The following CMYA5 variants were observed in gnomAD, a reference collection of about 807,000 sequenced individuals.
CMYA5 encodes cardiomyopathy associated 5, also known as cardiomyopathy-associated protein 5.
CMYA5 carries 246 observed loss-of-function variants against 318.9 expected under a neutral mutation model. That is an observed-to-expected ratio of 0.77 (90% CI 0.70 to 0.86). The LOEUF is 0.86. Ranked by LOEUF, CMYA5 falls within the 40% of genes least tolerant of loss-of-function variation. CMYA5 has a pLI of 0.00. For synonymous variants in CMYA5, 1,641 were observed against 1,729.5 expected (o/e 0.95, Z 1.27); for missense variants, 4,589 against 4,678.2 (o/e 0.98, Z 0.56).
At chr5:79,708,796 G>A (rs903235682) in intron 1 of CMYA5, among the ~76,000 whole-genome samples, 16 of 151,736 alleles carry the variant, frequency 1.1e-4, no homozygotes, top group African/African-American at 3.4e-4. Context: ...TTAGCCAGGC[G>A]TGGTGGCTCA....
chr5:79,761,710 C>A, intron 7 of CMYA5, 101 bp from the exon 8 acceptor site: 2 of 1,285,736 alleles, frequency 1.6e-6, no homozygotes, highest in Non-Finnish European at 2.1e-6. Context: ...TATCAGTTTG[C>A]ATTTTCCACT....
intron 12 of CMYA5, among the ~76,000 whole-genome samples, chr5:79,795,985 A>C (rs1488064594): frequency 1.3e-5 from 2 of 152,166 alleles, no homozygotes; most frequent in African/African-American, 4.8e-5. Context: ...AGGTTAGTGG[A>C]ATGTGTGCTC....
chr5:79,735,446 T>C lies in CMYA5; in HGVS notation c.6681T>C (p.Phe2227=). The change falls in exon 2 of 13, where the codon TTT becomes TTC. Residue 2227 remains phenylalanine, a synonymous_variant. Coordinates refer to ENST00000446378, the MANE Select transcript of CMYA5 (RefSeq NM_153610.5). ...CTGAAGGTACAATTCCCACCAATTT[T>C]AATGTAGCTGAGAAACCAGCTGATC... is the stretch of plus-strand genomic sequence containing the variant. The part of the protein sequence containing the change: ...IDPEGTIPTN[F]NVAEKPADHS... 1 of 1,613,888 alleles carries C rather than the reference T, an allele frequency of 6.2e-7. No individual in the cohort carries two copies. The highest frequency in any genetic ancestry group is 1.3e-5 in the African/African-American group (1 of 75,032).
chr5:79,742,123 T>C (rs1407265615), intron 2 of CMYA5, among the ~76,000 whole-genome samples: 60 of 143,216 alleles, frequency 4.2e-4, no homozygotes, highest in South Asian at 7.1e-4. Flanking sequence ...CTTCTTCTTC[T>C]TCCTCCTCCT....
Position 79,784,868 on chromosome 5 carries a change from C to T in CMYA5, c.11556-4103C>T, listed in dbSNP as rs531222996. On this transcript the variant is annotated intron_variant, in intron 9 of 12. Coordinates refer to ENST00000446378, the MANE Select transcript of CMYA5 (RefSeq NM_153610.5). ...GTACCTCAGATGGAAATGCAGAAAT[C>T]ACCCGTCTTCTGCGTCGCTCACGCT... is the stretch of plus-strand genomic sequence containing the variant. 7.2e-5 allele frequency among the ~76,000 whole-genome samples: 11 copies of T among 151,818 alleles called. No individual in the cohort carries two copies. In the South Asian group the frequency reaches 1.9e-3, roughly 26 times the overall value.
chr5:79,762,050 A>ATTGTGTGTTGAGTG, intron 8 of CMYA5, 93 bp downstream of exon 8: 1 of 1,380,902 alleles, frequency 7.2e-7, no homozygotes. Flanking sequence ...TTAAGCACCT[A>ATTGTGTGTTGAGTG]TTGTGTGTTG....
At chr5:79,793,735 G>T in intron 12 of CMYA5, 125 bp downstream of exon 12, 1 of 812,492 alleles carries the variant, frequency 1.2e-6, no homozygotes. Flanking sequence ...AACTAAGAAA[G>T]AAAACAAGAG....
At chr5:79,713,730 G>T (rs373768220) in intron 1 of CMYA5, among the ~76,000 whole-genome samples, 1 of 151,930 alleles carries the variant, frequency 6.6e-6, no homozygotes, top group African/African-American at 2.4e-5. Flanking sequence ...CAGAGTTCTC[G>T]ATGGGTCATG....
chr5:79,790,798 C>T (rs943988954), intron 10 of CMYA5, among the ~76,000 whole-genome samples, 172 bp from the exon 11 acceptor site: 2 of 152,186 alleles, frequency 1.3e-5, no homozygotes, highest in Non-Finnish European at 2.9e-5. Flanking sequence ...CAGCCACCGG[C>T]ATCCACGAAG....
intron 11 of CMYA5, among the ~76,000 whole-genome samples, chr5:79,792,121 G>T (rs1283875960): frequency 6.6e-6 from 1 of 152,190 alleles, no homozygotes; most frequent in Non-Finnish European, 1.5e-5. Context: ...CCTGCTCCTA[G>T]TTCTGGCCAA....
intron 1 of CMYA5, among the ~76,000 whole-genome samples, chr5:79,713,196 C>T (rs1006219150): frequency 7.2e-5 from 11 of 152,110 alleles, no homozygotes; most frequent in African/African-American, 2.7e-4. Flanking sequence ...TTTTTATTGT[C>T]ACAACCTGGG....
At chr5:79,691,683 A>G (rs1248950370) in intron 1 of CMYA5, among the ~76,000 whole-genome samples, 2 of 152,220 alleles carry the variant, frequency 1.3e-5, no homozygotes, top group South Asian at 4.1e-4. Flanking sequence ...TTTAGGAAAA[A>G]CACGTATCGA....
chr5:79,709,131 T>C (rs568934905), intron 1 of CMYA5, among the ~76,000 whole-genome samples: 3 of 152,226 alleles, frequency 2.0e-5, no homozygotes, highest in African/African-American at 7.2e-5. Flanking sequence ...CCAGTGTTGC[T>C]AAGAGTATGG....
At chr5:79,764,035 A>G (rs180856459) in intron 9 of CMYA5, among the ~76,000 whole-genome samples, 23 of 151,794 alleles carry the variant, frequency 1.5e-4, no homozygotes, top group African/African-American at 5.6e-4. Flanking sequence ...AAGTTCTGGG[A>G]TATGTGTTCA....
chr5:79,786,293 GC>G (rs1325763426), intron 9 of CMYA5, among the ~76,000 whole-genome samples: 1 of 152,202 alleles, frequency 6.6e-6, no homozygotes, highest in African/African-American at 2.4e-5. Context: ...CACACATAAA[GC>G]CATCTCTTTC....
At chr5:79,721,947 C>T (rs1480134198) in intron 1 of CMYA5, among the ~76,000 whole-genome samples, 5 of 152,126 alleles carry the variant, frequency 3.3e-5, no homozygotes, top group African/African-American at 1.2e-4. Flanking sequence ...TAAAAAAGAT[C>T]TGAATAACAC....
At chr5:79,758,420 A>T (rs1580790835) in intron 6 of CMYA5, among the ~76,000 whole-genome samples, 1 of 149,970 alleles carries the variant, frequency 6.7e-6, no homozygotes, top group African/African-American at 2.5e-5. Flanking sequence ...TAATCCCAGC[A>T]ACTTGGGAGG....
chr5:79,791,571 A>G (rs1829180490), intron 11 of CMYA5, among the ~76,000 whole-genome samples: 1 of 152,028 alleles, frequency 6.6e-6, no homozygotes, highest in Non-Finnish European at 1.5e-5. Flanking sequence ...AAATACAAAA[A>G]TTAGCCAGGT....
chr5:79,763,292 C>A (rs1269134732), intron 9 of CMYA5, 83 bp downstream of exon 9: 6 of 1,238,072 alleles, frequency 4.8e-6, no homozygotes, highest in Non-Finnish European at 5.5e-6. Context: ...AACTTCTGCT[C>A]ACCAAGGGAG....
Sources: allele counts gnomAD v4.1 joint callset (sites outside exome capture counted in the v4.1 genomes callset), GRCh38; gene constraint gnomAD v4.1.1; transcripts MANE v1.5; gene names NCBI Gene and HGNC (gene_info 2026-07-23, HGNC 2026-07-21).